Variants in TANC1 observed in about 807,000 individuals in gnomAD.
TANC1 encodes the protein protein TANC1.
A neutral mutation model predicts 149.7 loss-of-function variants in TANC1; 77 were observed. That is an observed-to-expected ratio of 0.51 (90% CI 0.43 to 0.62). The LOEUF (loss-of-function observed/expected upper bound fraction) is 0.62. TANC1 is among the 20% of genes least tolerant of loss of function. TANC1 has a pLI of 0.00. For missense variants in TANC1, 1,985 were observed against 2,321.8 expected (o/e 0.85, Z 2.98); for synonymous variants, 854 against 925.0 (o/e 0.92, Z 1.39).
intron 16 of TANC1, among the ~76,000 whole-genome samples, chr2:159,192,064 A>T (rs780047411): frequency 6.6e-5 from 10 of 152,336 alleles, no homozygotes; most frequent in Middle Eastern, 3.4e-3. Flanking sequence ...GCGTATGTTC[A>T]GTAATTTTAT....
At chr2:159,003,940 C>T in intron 2 of TANC1, 2 of 1,612,730 alleles carry the variant, frequency 1.2e-6, no homozygotes, top group South Asian at 1.1e-5. Context: ...ATAGAACAGC[C>T]ACAGCTGATG....
At chr2:159,164,164 A>G (rs17422021) in intron 8 of TANC1, among the ~76,000 whole-genome samples, 4,395 of 152,260 alleles carry the variant, frequency 0.029, 85 homozygotes, top group Non-Finnish European at 0.046. Context: ...CAGACTGGTC[A>G]CCAGGTGTGT....
intron 20 of TANC1, among the ~76,000 whole-genome samples, chr2:159,218,931 G>A (rs2059514719): frequency 6.6e-6 from 1 of 152,142 alleles, no homozygotes; most frequent in Non-Finnish European, 1.5e-5. Context: ...CGCCCCTGTG[G>A]CTGTCTTGTC....
intron 2 of TANC1, among the ~76,000 whole-genome samples, chr2:159,016,575 T>C (rs1046084959): frequency 6.8e-6 from 1 of 148,082 alleles, no homozygotes; most frequent in African/African-American, 2.6e-5. Flanking sequence ...TTGGTCAAAA[T>C]TTTTTGTTTT....
chr2:159,052,233 A>G (rs181105588), intron 2 of TANC1, among the ~76,000 whole-genome samples: 2 of 135,346 alleles, frequency 1.5e-5, no homozygotes, highest in East Asian at 3.9e-4. Context: ...GTTTTTGTAC[A>G]TTGTCTGTCA....
chr2:159,162,124 C>T (rs1290384025), intron 7 of TANC1, among the ~76,000 whole-genome samples: 1 of 152,198 alleles, frequency 6.6e-6, no homozygotes, highest in East Asian at 1.9e-4. Context: ...GTCTTTACTT[C>T]TAAACCGTAA....
At chr2:158,969,551 C>T (rs1463256362) in intron 1 of TANC1, among the ~76,000 whole-genome samples, 1 of 152,208 alleles carries the variant, frequency 6.6e-6, no homozygotes, top group Non-Finnish European at 1.5e-5. Context: ...TATCAGGGCA[C>T]TGGCTTCCTG....
rs1157495127 is a variant in TANC1, at chr2:159,149,344, T to C, written c.495+72T>C. 5.6e-6 allele frequency: 9 copies of C among 1,597,720 alleles called. No individual in the cohort carries two copies. In the Admixed American group the frequency reaches 1.2e-4, roughly 21 times the overall value. ...AACGAAGCAATAACCATCTTCTCCC[T>C]TTCCTTGAGCAGGGAAGCCATTGTT... On this transcript the variant is annotated intron_variant, in intron 6 of 26. Transcript: ENST00000263635.
At chr2:159,131,805 C>G (rs2050139196) in intron 4 of TANC1, among the ~76,000 whole-genome samples, 1 of 152,200 alleles carries the variant, frequency 6.6e-6, no homozygotes. Flanking sequence ...TCTTGTTTTA[C>G]AGCACTTTAT....
intron 3 of TANC1, among the ~76,000 whole-genome samples, 163 bp downstream of exon 3, chr2:159,066,134 A>C (rs990365794): frequency 3.3e-5 from 5 of 152,222 alleles, no homozygotes; most frequent in Non-Finnish European, 1.5e-5. Flanking sequence ...TAGGCCAGAC[A>C]TGGTGACCCA....
intron 19 of TANC1, among the ~76,000 whole-genome samples, chr2:159,216,847 C>T (rs2059382943): frequency 6.6e-6 from 1 of 152,090 alleles, no homozygotes; most frequent in African/African-American, 2.4e-5. Flanking sequence ...GGGGGAGTGA[C>T]GTGCACTCTA....
At chr2:159,017,294 G>A (rs371272880) in intron 2 of TANC1, among the ~76,000 whole-genome samples, 1 of 152,170 alleles carries the variant, frequency 6.6e-6, no homozygotes, top group African/African-American at 2.4e-5. Context: ...TACTCAGAAT[G>A]TAATATTTAT....
intron 1 of TANC1, among the ~76,000 whole-genome samples, chr2:158,975,185 T>A (rs1317272268): frequency 1.3e-5 from 2 of 152,186 alleles, no homozygotes; most frequent in Non-Finnish European, 2.9e-5. Flanking sequence ...TTGTGTTTAT[T>A]GTATTGTTAT....
intron 4 of TANC1, among the ~76,000 whole-genome samples, chr2:159,117,251 A>G (rs1318814878): frequency 6.6e-6 from 1 of 152,224 alleles, no homozygotes; most frequent in Non-Finnish European, 1.5e-5. Context: ...TAAATTCAGA[A>G]TAGCGTTAGA....
intron 7 of TANC1, among the ~76,000 whole-genome samples, chr2:159,159,262 A>G (rs1223827482): frequency 2.0e-5 from 3 of 152,064 alleles, no homozygotes; most frequent in East Asian, 3.9e-4. Flanking sequence ...TGTGGGCAAC[A>G]TGGCGGCACC....
intron 2 of TANC1, chr2:159,004,357 T>A: frequency 6.3e-7 from 1 of 1,578,476 alleles, no homozygotes. Flanking sequence ...TGGACTAGAT[T>A]GAACAAATCA....
intron 5 of TANC1, among the ~76,000 whole-genome samples, chr2:159,136,968 G>A (rs1464088272): frequency 6.6e-6 from 1 of 151,880 alleles, no homozygotes; most frequent in African/African-American, 2.4e-5. Flanking sequence ...TCCTTTCTGG[G>A]GAGTCCCCAA....
intron 2 of TANC1, among the ~76,000 whole-genome samples, chr2:159,034,432 C>A (rs1420485359): frequency 6.6e-6 from 1 of 152,196 alleles, no homozygotes; most frequent in African/African-American, 2.4e-5. Flanking sequence ...CCTGGCTACA[C>A]ATTAAAATCA....
In TANC1 at chr2:159,172,466, C is replaced by A. The variant is rs552341303; in HGVS notation, c.1503+194C>A. ...GTAAGTATCTGTTTTAAGACATTGG[C>A]AGTGGACCTGATCCATCTTAAACAA... On this transcript the variant is annotated intron_variant, in intron 11 of 26. Coordinates refer to ENST00000263635, the MANE Select transcript of TANC1 (RefSeq NM_033394.3). Among the ~76,000 whole-genome samples the A allele has an allele frequency of 1.1e-4, 16 of 152,332 alleles. No individual in the cohort carries two copies. In the South Asian group the frequency reaches 3.3e-3, roughly 32 times the overall value.
Sources: allele counts gnomAD v4.1 joint callset (sites outside exome capture counted in the v4.1 genomes callset), GRCh38; gene constraint gnomAD v4.1.1; transcripts MANE v1.5; gene names NCBI Gene and HGNC (gene_info 2026-07-23, HGNC 2026-07-21).